Variants in ADGRG7 observed in about 807,000 individuals in gnomAD.
ADGRG7 encodes G-protein coupled receptor 128.
ADGRG7 carries 82 observed loss-of-function variants against 88.6 expected under a neutral mutation model. The observed-to-expected ratio is 0.93, with a 90% CI of 0.77 to 1.11. The LOEUF (loss-of-function observed/expected upper bound fraction) is 1.11. Ranked by LOEUF, ADGRG7 falls within the 50% of genes most tolerant of loss-of-function variation. ADGRG7 has a pLI of 0.00. For synonymous variants in ADGRG7, 381 were observed against 345.2 expected, an observed-to-expected ratio of 1.10 and a Z score of -1.15; for missense variants, 945 against 953.4, an observed-to-expected ratio of 0.99 and a Z score of 0.12.
intron 14 of ADGRG7, among the ~76,000 whole-genome samples, chr3:100,667,347 G>A (rs912991293): frequency 5.3e-5 from 8 of 151,986 alleles, no homozygotes; most frequent in Admixed American, 3.9e-4. Flanking sequence ...CCACTGACAG[G>A]CCCCAGTGTG....
rs151161001 is a variant in ADGRG7 at position 100,673,276 on chromosome 3, C to G, written c.2136+4171C>G. On this transcript the variant is annotated intron_variant, in intron 15 of 15. Coordinates refer to ENST00000273352, the MANE Select transcript of ADGRG7 (RefSeq NM_032787.3). ...ATTGGTCTATTCAGGGATTCGACTT[C>G]CTCCTGGTTTAGACTTGGGAGGGTG... is the stretch of plus-strand genomic sequence containing the variant. 6.7e-3 allele frequency among the ~76,000 whole-genome samples: 1,024 copies of G among 152,174 alleles called. 17 individuals carry two copies. The highest frequency in any genetic ancestry group is 0.023 in the African/African-American group (974 of 41,524).
intron 15 of ADGRG7, among the ~76,000 whole-genome samples, chr3:100,672,374 T>A (rs558972309): frequency 6.6e-6 from 1 of 152,314 alleles, no homozygotes; most frequent in South Asian, 2.1e-4. Flanking sequence ...TATTGGTGGA[T>A]AGGAATGCTT....
At chr3:100,688,320 A>C (rs2094986821) in intron 15 of ADGRG7, among the ~76,000 whole-genome samples, 1 of 152,110 alleles carries the variant, frequency 6.6e-6, no homozygotes, top group Admixed American at 6.6e-5. Flanking sequence ...ATCTTTTCAA[A>C]AAACCAGCTC....
At chr3:100,610,990 C>T (rs1233890875) in intron 1 of ADGRG7, among the ~76,000 whole-genome samples, 1 of 152,044 alleles carries the variant, frequency 6.6e-6, no homozygotes, top group Non-Finnish European at 1.5e-5. Context: ...TTGTCCTCCC[C>T]CTACCCCACC....
chr3:100,649,098 C>A (rs1206749092), intron 10 of ADGRG7, among the ~76,000 whole-genome samples: 9 of 152,084 alleles, frequency 5.9e-5, no homozygotes, highest in African/African-American at 1.4e-4. Flanking sequence ...AAAATAATGT[C>A]ATGAATAAGT....
intron 6 of ADGRG7, among the ~76,000 whole-genome samples, chr3:100,640,957 T>C (rs527254574): frequency 6.6e-6 from 1 of 152,330 alleles, no homozygotes; most frequent in East Asian, 1.9e-4. Context: ...TGACCACCTG[T>C]ACATTTACAT....
rs41272971 is a variant in ADGRG7 at position 100,643,270 on chromosome 3, A to G, written c.703A>G (p.Ile235Val). The part of the protein sequence containing the change: ...TANDDALTTL[I>V]EQMETYSLSL... ...ATTGTGTTTTATTATATGCAGGCTT[A>G]TTGAGCAAATGGAGACTTATTCCTT... The change falls in exon 7 of 16, where the codon ATT becomes GTT. Residue 235 changes from isoleucine to valine, a missense_variant. Transcript: ENST00000273352. 662 of 1,612,848 alleles carry G rather than the reference A, an allele frequency of 4.1e-4. 1 individual carries two copies. Among genetic ancestry groups the G allele is most frequent in the Non-Finnish European group, 5.3e-4 (623 of 1,179,516 alleles).
intron 14 of ADGRG7, among the ~76,000 whole-genome samples, chr3:100,662,734 A>G (rs1451760451): frequency 6.6e-6 from 1 of 152,160 alleles, no homozygotes; most frequent in East Asian, 1.9e-4. Context: ...GTTGCTGCCA[A>G]AAAGGAAAGA....
At chr3:100,662,275 G>T (rs2094946539) in intron 14 of ADGRG7, among the ~76,000 whole-genome samples, 1 of 152,134 alleles carries the variant, frequency 6.6e-6, no homozygotes, top group Non-Finnish European at 1.5e-5. Context: ...CTGAAAATGG[G>T]AGATAAAAGG....
chr3:100,675,731 G>T (rs1279378430), intron 15 of ADGRG7, among the ~76,000 whole-genome samples: 8 of 152,080 alleles, frequency 5.3e-5, no homozygotes, highest in Admixed American at 5.2e-4. Flanking sequence ...TGAAACCACA[G>T]TTCCTGGGCT....
At position 100,669,110 on chromosome 3, in the gene ADGRG7, G is replaced by A. The variant is rs2094955200; in HGVS notation, c.2136+5G>A. 8.5e-6 allele frequency: 13 copies of A among 1,534,898 alleles called. No individual in the cohort carries two copies. Among genetic ancestry groups the A allele is most frequent in the Non-Finnish European group, 1.1e-5 (13 of 1,141,348 alleles). On this transcript the variant is annotated splice_donor_5th_base_variant and intron_variant, in intron 15 of 15. Coordinates refer to ENST00000273352, the MANE Select transcript of ADGRG7 (RefSeq NM_032787.3). ...TGCCTTTTCAACACTACACAGGTAT[G>A]GTGCGGATTAGTCTGAAAGTAGCAG...
At chr3:100,679,398 A>T (rs1368940866) in intron 15 of ADGRG7, among the ~76,000 whole-genome samples, 1 of 152,178 alleles carries the variant, frequency 6.6e-6, no homozygotes, top group East Asian at 1.9e-4. Context: ...CCAGGAGCCG[A>T]GGCCTGGAAT....
chr3:100,691,254 C>T (rs2094993248), intron 15 of ADGRG7, among the ~76,000 whole-genome samples: 1 of 152,198 alleles, frequency 6.6e-6, no homozygotes, highest in Non-Finnish European at 1.5e-5. Context: ...TTTCCAGGTG[C>T]CGTCTGTCAC....
At chr3:100,686,404 C>T (rs563594872) in intron 15 of ADGRG7, among the ~76,000 whole-genome samples, 12 of 152,260 alleles carry the variant, frequency 7.9e-5, no homozygotes, top group African/African-American at 2.9e-4. Flanking sequence ...TCAATTTTGG[C>T]CTTTGTTGCC....
At chr3:100,614,097 T>C (rs188298983) in intron 1 of ADGRG7, among the ~76,000 whole-genome samples, 234 of 152,348 alleles carry the variant, frequency 1.5e-3, no homozygotes, top group African/African-American at 5.1e-3. Context: ...TGTTGGCTGC[T>C]ATCCTCTAGG....
intron 15 of ADGRG7, among the ~76,000 whole-genome samples, chr3:100,681,246 G>A (rs568166115): frequency 6.6e-6 from 1 of 150,664 alleles, no homozygotes; most frequent in South Asian, 2.1e-4. Flanking sequence ...TTATGTGTGA[G>A]GAATATCAAG....
intron 9 of ADGRG7, 177 bp downstream of exon 9, chr3:100,646,285 G>T (rs1707744255): frequency 3.1e-6 from 2 of 635,180 alleles, no homozygotes; most frequent in Non-Finnish European, 5.3e-6. Context: ...CAAAAGCAGG[G>T]ATATGTTGAA....
At chr3:100,612,389 G>GA (rs1394975475) in intron 1 of ADGRG7, among the ~76,000 whole-genome samples, 8 of 152,122 alleles carry the variant, frequency 5.3e-5, no homozygotes, top group African/African-American at 1.9e-4. Context: ...AAAACTTAGA[G>GA]AAAATCTCAG....
rs545197672 is a variant in ADGRG7 at position 100,619,233 on chromosome 3, A to G, written c.115+9262A>G. Among the ~76,000 whole-genome samples, 10 of 152,368 alleles carry G rather than the reference A, an allele frequency of 6.6e-5. No individual in the cohort carries two copies. In the South Asian group the frequency reaches 2.1e-3, roughly 32 times the overall value. On this transcript the variant is annotated intron_variant, in intron 1 of 15. Transcript: ENST00000273352. ...TCTCAGACCACAGTGCAATCAAGCTAGAACTCAGGATTAAGAAACTCACTC... is the reference window on the plus strand; with the variant it reads ...TCTCAGACCACAGTGCAATCAAGCTGGAACTCAGGATTAAGAAACTCACTC...
Sources: allele counts gnomAD v4.1 joint callset (sites outside exome capture counted in the v4.1 genomes callset), GRCh38; gene constraint gnomAD v4.1.1; transcripts MANE v1.5; gene names NCBI Gene and HGNC (gene_info 2026-07-23, HGNC 2026-07-21).